CNGB1: variants seen among roughly 807,000 people sequenced by gnomAD.
CNGB1 encodes the protein cyclic nucleotide gated channel subunit beta 1, also known as cyclic nucleotide-gated channel beta-1.
In CNGB1, 126 loss-of-function variants were observed where a neutral mutation model predicts 151.7. The ratio of observed to expected loss-of-function variants is 0.83; its 90% CI spans 0.72 to 0.96. The LOEUF (loss-of-function observed/expected upper bound fraction) is 0.96. Ranked by LOEUF, CNGB1 falls within the 40% of genes least tolerant of loss-of-function variation. The probability of loss-of-function intolerance (pLI) is 0.00; values close to 1 mark genes in which losing one functional copy is unlikely to be tolerated. For missense variants in CNGB1, 1,698 were observed against 1,627.0 expected (o/e 1.04, Z -0.75); for synonymous variants, 623 against 635.1 (o/e 0.98, Z 0.29).
At position 57,912,014 on chromosome 16, in the gene CNGB1, G is replaced by C. The variant is rs1443207141; in HGVS notation, c.2370-139C>G. 4 of 1,136,688 alleles carry C rather than the reference G, an allele frequency of 3.5e-6. No homozygotes were observed. In the East Asian group the frequency reaches 1.1e-4, roughly 30 times the overall value. The allele number at this position is 1,136,688 out of a possible 1,614,324, so 70.4% of individuals were successfully genotyped here. A position where few individuals can be genotyped will look rare whatever the true frequency, so the allele number is the denominator to read the frequency against. On this transcript the variant is annotated intron_variant, in intron 24 of 32. Transcript: ENST00000251102. Reference sequence around the variant, plus strand: ...GAGATTGCACCAGTTAGGAAGGGTGGTGCTTGAATGGGGCGTTGTCATGAC... The same window carrying C: ...GAGATTGCACCAGTTAGGAAGGGTGCTGCTTGAATGGGGCGTTGTCATGAC...
rs201449358 is a variant in CNGB1, at chr16:57,887,896, C to T, written c.3421G>A (p.Ala1141Thr). ...TGCTGCTTTGCAGCCGCCTCCAGCG[C>T]GGCCAGTTCTTTGAGCCGGGCCCGG... ...HLRARLKELA[A>T]LEAAAKQQEL... Residue 1141 changes from alanine (A) to threonine (T), a missense_variant, in exon 32 of 33, where the codon GCG becomes ACG. Transcript: ENST00000251102. 591 of 1,614,160 alleles carry T rather than the reference C, an allele frequency of 3.7e-4. 2 individuals carry two copies. The highest frequency in any genetic ancestry group is 1.7e-3 in the East Asian group (77 of 44,884).
intron 25 of CNGB1, among the ~76,000 whole-genome samples, chr16:57,908,158 C>T (rs1199051875): frequency 3.9e-5 from 6 of 152,292 alleles, no homozygotes; most frequent in African/African-American, 1.2e-4. Context: ...CCAAAAGTGC[C>T]GGGATTACAG....
In CNGB1 at chr16:57,959,397, T is replaced by C. The variant is rs372516638; in HGVS notation, c.761+491A>G. The stretch of plus-strand genomic sequence containing the variant: ...GAGAGGCCAAGGCGGTCAGATTGCT[T>C]GAGGTCAGGAGTTTGAGACTAGCGT... On this transcript the variant is annotated intron_variant, in intron 10 of 32. Transcript: ENST00000251102. 3.4e-4 allele frequency among the ~76,000 whole-genome samples: 52 copies of C among 151,776 alleles called. No homozygotes were observed. The South Asian group carries it at 7.5e-3, about 22-fold the overall frequency.
chr16:57,895,552 TA>T (rs1172918740), intron 31 of CNGB1, among the ~76,000 whole-genome samples: 1 of 126,664 alleles, frequency 7.9e-6, no homozygotes, highest in African/African-American at 2.9e-5. Context: ...ATGTATTTTT[TA>T]TATATATATA....
chr16:57,960,356 C>A, intron 9 of CNGB1, 126 bp downstream of exon 9: 2 of 1,329,384 alleles, frequency 1.5e-6, no homozygotes, highest in Non-Finnish European at 1.0e-6. Context: ...CCAGGCAAGC[C>A]CTGAACCCCG....
Position 57,956,698 on chromosome 16 carries a change from ATAG to A in CNGB1, c.874+640_874+642del, listed in dbSNP as rs1226475589. On this transcript the variant is annotated intron_variant, in intron 12 of 32. Coordinates refer to ENST00000251102, the MANE Select transcript of CNGB1 (RefSeq NM_001297.5). ...CTAGAACCCATCACAGGCCTGGCAC[ATAG>A]TAGGCTGTCCTTAACTATGTATTGA... Among the ~76,000 whole-genome samples the A allele has an allele frequency of 3.3e-5, 5 of 152,214 alleles. No homozygotes were observed. The East Asian group carries it at 9.6e-4, about 29-fold the overall frequency.
Position 57,967,252 on chromosome 16 carries a change from G to A in CNGB1, c.35C>T (p.Pro12Leu), listed in dbSNP as rs2149390226. Reference sequence around the variant, plus strand: ...CTTGGTCTTCCGAGGGGTCCCTGGGGGCTGAGGCAGCACCCTCTGGACCCA... The same window carrying A: ...CTTGGTCTTCCGAGGGGTCCCTGGGAGCTGAGGCAGCACCCTCTGGACCCA... ...LGWVQRVLPQ[P>L]PGTPRKTKMQ... The change falls in exon 2 of 33, where the codon CCC becomes CTC. Residue 12 changes from proline (P) to leucine (L), a missense_variant. Pro to Leu is a moderately conservative substitution (Grantham distance 98). Transcript: ENST00000251102. 6.2e-7 allele frequency: 1 copy of A among 1,614,144 alleles called. No homozygotes were observed.
chr16:57,944,364 T>C (rs1342441947), intron 14 of CNGB1, among the ~76,000 whole-genome samples: 1 of 152,164 alleles, frequency 6.6e-6, no homozygotes, highest in Non-Finnish European at 1.5e-5. Flanking sequence ...AGAATGGTAG[T>C]TACCAGGGGC....
At chr16:57,904,546 T>C (rs1261894020) in intron 26 of CNGB1, among the ~76,000 whole-genome samples, 188 bp downstream of exon 26, 1 of 152,054 alleles carries the variant, frequency 6.6e-6, no homozygotes, top group Non-Finnish European at 1.5e-5. Context: ...AGAGAGGGAA[T>C]AGGGCCGAGT....
intron 17 of CNGB1, among the ~76,000 whole-genome samples, chr16:57,928,016 C>G (rs1001107505): frequency 1.3e-5 from 2 of 152,198 alleles, no homozygotes; most frequent in Admixed American, 6.5e-5. Context: ...CTCAGCTGAG[C>G]AATTACTCAG....
intron 8 of CNGB1, 47 bp downstream of exon 8, chr16:57,960,793 A>G (rs1471206025): frequency 6.3e-7 from 1 of 1,583,794 alleles, no homozygotes; most frequent in Non-Finnish European, 8.6e-7. Flanking sequence ...GGGCCCCAGA[A>G]GCCCCCCCAT....
At chr16:57,914,733 G>A (rs1211618574) in intron 23 of CNGB1, among the ~76,000 whole-genome samples, 2 of 152,194 alleles carry the variant, frequency 1.3e-5, no homozygotes, top group Non-Finnish European at 2.9e-5. Context: ...TGACACTGAG[G>A]CCTGGCCAGT....
chr16:57,943,150 GT>G (rs1462844531), intron 14 of CNGB1, among the ~76,000 whole-genome samples: 1 of 152,018 alleles, frequency 6.6e-6, no homozygotes, highest in Non-Finnish European at 1.5e-5. Flanking sequence ...CAAATAAGGG[GT>G]TAATATCCAA....
chr16:57,888,132 T>C, intron 31 of CNGB1, 58 bp from the exon 32 acceptor site: 1 of 1,545,646 alleles, frequency 6.5e-7, no homozygotes, highest in South Asian at 1.1e-5. Flanking sequence ...AAAGAAAGAC[T>C]CGCTTCTGCA....
In CNGB1 at chr16:57,917,444, C is replaced by G; in HGVS notation, c.1990G>C (p.Val664Leu). Residue 664 changes from valine to leucine, a missense_variant, in exon 21 of 33, where the codon GTG (valine) becomes CTG (leucine). Physicochemically the swap from Val to Leu is conservative, Grantham distance 32. Coordinates refer to ENST00000251102, the MANE Select transcript of CNGB1 (RefSeq NM_001297.5). The stretch of plus-strand genomic sequence containing the variant: ...CAACAGTTCCAATTCCAGGCCATCA[C>G]CACGAAGAACAGCCATAGGACATAC... The part of the protein sequence containing the change: ...LMYVLWLFFV[V>L]MAWNWNCWLI... 8.1e-6 allele frequency: 13 copies of G among 1,614,044 alleles called. No individual in the cohort carries two copies. Among genetic ancestry groups the G allele is most frequent in the Non-Finnish European group, 1.1e-5 (13 of 1,180,022 alleles).
At chr16:57,908,575 C>A (rs1397591370) in intron 25 of CNGB1, among the ~76,000 whole-genome samples, 1 of 152,260 alleles carries the variant, frequency 6.6e-6, no homozygotes, top group African/African-American at 2.4e-5. Context: ...CCTGTCACTT[C>A]TTTAGGGTGG....
At position 57,920,474 on chromosome 16, in the gene CNGB1, C is replaced by T; in HGVS notation, c.1714G>A (p.Val572Met). The T allele has an allele frequency of 6.2e-7, 1 of 1,614,190 alleles. No homozygotes were observed. Among genetic ancestry groups the T allele is most frequent in the Non-Finnish European group, 8.5e-7 (1 of 1,180,040 alleles). ...TCTGTCCGCTCCTTGAAGAGCTTCACCAGCTCCTGGAGCCGGTCGTTGATG... is the reference window on the plus strand; with the variant it reads ...TCTGTCCGCTCCTTGAAGAGCTTCATCAGCTCCTGGAGCCGGTCGTTGATG... ...AIINDRLQEL[V>M]KLFKERTEKV... The change falls in exon 19 of 33, where the codon GTG becomes ATG. Residue 572 changes from valine (V) to methionine (M), a missense_variant. Physicochemically the swap from Val to Met is conservative, Grantham distance 21. Coordinates refer to ENST00000251102, the MANE Select transcript of CNGB1 (RefSeq NM_001297.5).
intron 7 of CNGB1, 34 bp from the exon 8 acceptor site, chr16:57,960,949 G>C: frequency 1.2e-6 from 2 of 1,607,670 alleles, no homozygotes; most frequent in Non-Finnish European, 1.7e-6. Context: ...AGAGTGCCCT[G>C]AGGGAACCGG....
intron 31 of CNGB1, among the ~76,000 whole-genome samples, chr16:57,895,520 A>C (rs1960198941): frequency 6.7e-6 from 1 of 149,108 alleles, no homozygotes; most frequent in Non-Finnish European, 1.5e-5. Context: ...TATGTATTTT[A>C]TATATACATA....
Sources: gnomAD v4.1 joint callset for allele counts (sites outside exome capture counted in the v4.1 genomes callset) on GRCh38, gnomAD v4.1.1 for gene constraint, MANE v1.5 for transcripts, NCBI Gene and HGNC (gene_info 2026-07-23, HGNC 2026-07-21) for gene names.